Variants in NFASC observed in about 807,000 individuals in gnomAD.
NFASC encodes neurofascin.
NFASC carries 43 observed loss-of-function variants against 147.5 expected under a neutral mutation model. The ratio of observed to expected loss-of-function variants is 0.29; its 90% CI spans 0.23 to 0.38. The LOEUF is 0.38. NFASC is among the 10% of genes least tolerant of loss of function. NFASC has a pLI of 1.00. For missense variants in NFASC, 1,320 were observed against 1,689.0 expected, an observed-to-expected ratio of 0.78 and a Z score of 3.83; for synonymous variants, 622 against 665.5, an observed-to-expected ratio of 0.93 and a Z score of 1.01.
intron 24 of NFASC, among the ~76,000 whole-genome samples, chr1:204,995,236 G>A (rs534747805): frequency 1.3e-5 from 2 of 152,168 alleles, no homozygotes; most frequent in Non-Finnish European, 2.9e-5. Context: ...GGCCATGAGA[G>A]CTGCAGGGAG....
At chr1:204,877,366 T>C (rs2079231072) in intron 1 of NFASC, among the ~76,000 whole-genome samples, 1 of 151,940 alleles carries the variant, frequency 6.6e-6, no homozygotes, top group Non-Finnish European at 1.5e-5. Flanking sequence ...CCAGAACCAG[T>C]GCATGGTCAG....
Position 204,954,118 on chromosome 1 carries a change from T to C in NFASC, c.216-70T>C. The C allele has an allele frequency of 7.1e-7, 1 of 1,412,870 alleles. No individual in the cohort carries two copies. Among genetic ancestry groups the C allele is most frequent in the East Asian group, 2.3e-5 (1 of 43,610 alleles). 87.5% of individuals were successfully genotyped at this position (1,412,870 alleles called of 1,614,324 possible). On this transcript the variant is annotated intron_variant, in intron 5 of 29. Transcript: ENST00000339876. The surrounding 1 kb of genome is among the most constrained non-coding windows in gnomAD (Gnocchi z 5.7). ...TTGGTACTGAGCCAGGGACTAGGGA[T>C]CTGAGATCTGCCTGGAGCCCAGAGC...
At chr1:204,898,785 C>G (rs2083911416) in intron 1 of NFASC, among the ~76,000 whole-genome samples, 1 of 152,196 alleles carries the variant, frequency 6.6e-6, no homozygotes, top group South Asian at 2.1e-4. Flanking sequence ...CTCACAAGGT[C>G]CCGTGTAGTT....
At chr1:204,938,374 T>C (rs2093055444) in intron 2 of NFASC, among the ~76,000 whole-genome samples, 1 of 152,242 alleles carries the variant, frequency 6.6e-6, no homozygotes, top group African/African-American at 2.4e-5. Context: ...CTGACATTTT[T>C]TAAGCATTTA....
At chr1:205,012,649 C>G (rs1378475135) in intron 28 of NFASC, 148 bp from the exon 29 acceptor site, 2 of 683,510 alleles carry the variant, frequency 2.9e-6, no homozygotes, top group Non-Finnish European at 5.4e-6. Flanking sequence ...GAAGCAAAAA[C>G]AAGGGAGGCG....
chr1:205,007,655 A>G (rs77157242), intron 27 of NFASC, among the ~76,000 whole-genome samples: 7,208 of 152,204 alleles, frequency 0.047, 319 homozygotes, highest in African/African-American at 0.12. Flanking sequence ...CCTCTCTAGG[A>G]GGTGCCAGTT....
chr1:204,888,919 A>C (rs1572548967), intron 1 of NFASC, among the ~76,000 whole-genome samples: 1 of 152,258 alleles, frequency 6.6e-6, no homozygotes, highest in East Asian at 1.9e-4. Context: ...TAGAGGAGGC[A>C]ATGGGGAAGC....
intron 1 of NFASC, among the ~76,000 whole-genome samples, chr1:204,908,889 C>T (rs1323050187): frequency 6.6e-6 from 1 of 152,168 alleles, no homozygotes; most frequent in African/African-American, 2.4e-5. Flanking sequence ...ATCTAAGTTA[C>T]TGCATATATC....
chr1:205,012,625 C>CTGAT, intron 28 of NFASC, 172 bp from the exon 29 acceptor site: 1 of 630,990 alleles, frequency 1.6e-6, no homozygotes, highest in South Asian at 1.9e-5. Context: ...AACTTGGCAA[C>CTGAT]TGATTGAGTA....
chr1:204,977,875 C>G, intron 17 of NFASC, 150 bp downstream of exon 17: 1 of 596,830 alleles, frequency 1.7e-6, no homozygotes, highest in Non-Finnish European at 3.0e-6. Flanking sequence ...CTTTGAGTTG[C>G]CCACGTCCAC....
intron 28 of NFASC, 25 bp from the exon 29 acceptor site, chr1:205,012,772 G>A (rs1185723876): frequency 6.3e-7 from 1 of 1,575,824 alleles, no homozygotes; most frequent in Non-Finnish European, 8.7e-7. Flanking sequence ...TCGTGTCTGT[G>A]TCTTTGCTTC....
chr1:204,844,595 T>G (rs1466364525), intron 1 of NFASC, among the ~76,000 whole-genome samples: 1 of 152,168 alleles, frequency 6.6e-6, no homozygotes, highest in East Asian at 1.9e-4. Context: ...AAAGGACAAC[T>G]GCAGGCTGGG....
At chr1:204,846,663 A>T (rs900562685) in intron 1 of NFASC, among the ~76,000 whole-genome samples, 1 of 152,062 alleles carries the variant, frequency 6.6e-6, no homozygotes, top group Admixed American at 6.6e-5. Context: ...GGCACAGAGA[A>T]CCACGTGACC....
At chr1:204,993,300 C>T (rs2095780248) in intron 24 of NFASC, among the ~76,000 whole-genome samples, 1 of 152,186 alleles carries the variant, frequency 6.6e-6, no homozygotes, top group Non-Finnish European at 1.5e-5. Flanking sequence ...CCGGGGTAGT[C>T]AACACGCCAT....
rs574037413 is a variant in NFASC at position 204,975,999 on chromosome 1, A to G, written c.1706+581A>G. Reference sequence around the variant, plus strand: ...CCAGTGTGCATCAGGGTTGAGAACCACTGTTCCGAGCCTCCCTCCCCAGGG... The same window carrying G: ...CCAGTGTGCATCAGGGTTGAGAACCGCTGTTCCGAGCCTCCCTCCCCAGGG... On this transcript the variant is annotated intron_variant, in intron 15 of 29. Transcript: ENST00000339876. The surrounding 1 kb of genome is among the most constrained non-coding windows in gnomAD (Gnocchi z 4.0). Among the ~76,000 whole-genome samples, 7 of 151,818 alleles carry G rather than the reference A, an allele frequency of 4.6e-5. No homozygotes were observed. Among genetic ancestry groups the G allele is most frequent in the Non-Finnish European group, 5.9e-5 (4 of 67,832 alleles).
chr1:204,871,209 A>G (rs992848419), intron 1 of NFASC: 1 of 831,668 alleles, frequency 1.2e-6, no homozygotes, highest in South Asian at 1.6e-5. Context: ...GTGGTTGTGC[A>G]CAAGGGCTGC....
Position 205,016,286 on chromosome 1 carries a change from TTC to T in NFASC, c.3492-18_3492-17del. On this transcript the variant is annotated intron_variant, in intron 29 of 29. Coordinates refer to ENST00000339876, the MANE Select transcript of NFASC (RefSeq NM_001005388.3). The surrounding 1 kb of genome is among the most constrained non-coding windows in gnomAD (Gnocchi z 5.1). ...CTGCCCCATCTCACCCCACCTGAGA[TTC>T]TCTGTCTCTCTTTGGCCAGTGATGA... The T allele has an allele frequency of 6.4e-7, 1 of 1,559,988 alleles. No homozygotes were observed. Among genetic ancestry groups the T allele is most frequent in the Non-Finnish European group, 8.8e-7 (1 of 1,131,058 alleles).
intron 1 of NFASC, among the ~76,000 whole-genome samples, chr1:204,876,629 C>T (rs1372006938): frequency 6.6e-6 from 1 of 152,166 alleles, no homozygotes; most frequent in Non-Finnish European, 1.5e-5. Context: ...CAGCCCCTGG[C>T]AACCGCCATT....
At chr1:204,955,020 G>T in intron 7 of NFASC, 69 bp downstream of exon 7, 1 of 1,575,200 alleles carries the variant, frequency 6.3e-7, no homozygotes, top group South Asian at 1.1e-5. Flanking sequence ...GTGTTAAGTG[G>T]GGAGGGGCTT....
Sources: gnomAD v4.1 joint callset for allele counts (sites outside exome capture counted in the v4.1 genomes callset) on GRCh38, gnomAD v4.1.1 for gene constraint, Gnocchi (gnomAD v3.1) non-coding constraint, MANE v1.5 for transcripts, NCBI Gene and HGNC (gene_info 2026-07-23, HGNC 2026-07-21) for gene names.